ANKRD44: variants seen among roughly 807,000 people sequenced by gnomAD.
ANKRD44 encodes the protein serine/threonine-protein phosphatase 6 regulatory ankyrin repeat subunit B.
Under a neutral mutation model 116.0 loss-of-function variants are expected in ANKRD44, and 35 were observed. The ratio of observed to expected loss-of-function variants is 0.30; its 90% CI spans 0.23 to 0.40. The LOEUF is 0.40. Among genes scored for constraint, ANKRD44 ranks in the 10% least tolerant of loss-of-function variants. The probability of loss-of-function intolerance (pLI) is 1.00; values close to 1 mark genes in which losing one functional copy is unlikely to be tolerated. For missense variants in ANKRD44, 1,014 were observed against 1,242.6 expected (o/e 0.82, Z 2.77); for synonymous variants, 435 against 461.8 (o/e 0.94, Z 0.74).
At chr2:197,305,191 A>C (rs988588817) in intron 1 of ANKRD44, among the ~76,000 whole-genome samples, 1 of 150,022 alleles carries the variant, frequency 6.7e-6, no homozygotes, top group Non-Finnish European at 1.5e-5. Flanking sequence ...TCAGGAAAAA[A>C]AACAAAAACA....
intron 1 of ANKRD44, among the ~76,000 whole-genome samples, chr2:197,205,899 G>A (rs1418871639): frequency 6.6e-6 from 1 of 152,134 alleles, no homozygotes; most frequent in Non-Finnish European, 1.5e-5. Context: ...ATCAGAGGGA[G>A]CCTAAGCCTA....
At chr2:197,037,741 C>G (rs2076834252) in intron 16 of ANKRD44, among the ~76,000 whole-genome samples, 1 of 152,104 alleles carries the variant, frequency 6.6e-6, no homozygotes, top group South Asian at 2.1e-4. Flanking sequence ...AGTTTGAGAC[C>G]AGCCTTGGCA....
chr2:197,234,865 T>A (rs1349616573), intron 1 of ANKRD44, among the ~76,000 whole-genome samples: 1 of 152,120 alleles, frequency 6.6e-6, no homozygotes, highest in Non-Finnish European at 1.5e-5. Context: ...CTCTTAATAT[T>A]CCCTTCCCCA....
intron 16 of ANKRD44, among the ~76,000 whole-genome samples, chr2:197,051,556 C>T (rs1294418427): frequency 1.3e-5 from 2 of 152,184 alleles, no homozygotes; most frequent in African/African-American, 4.8e-5. Flanking sequence ...GTGCACAACA[C>T]ACACCCAGCT....
At chr2:197,158,984 A>AAC (rs5837527) in intron 2 of ANKRD44, among the ~76,000 whole-genome samples, 112,819 of 148,390 alleles carry the variant, frequency 0.76, 45,823 homozygotes, top group East Asian at 0.96. Flanking sequence ...AGAGCAAACA[A>AAC]ACACACACAC....
At chr2:196,996,489 A>AGT (rs2076013722) in intron 25 of ANKRD44, among the ~76,000 whole-genome samples, 1 of 152,182 alleles carries the variant, frequency 6.6e-6, no homozygotes, top group Non-Finnish European at 1.5e-5. Context: ...TTCATACTAT[A>AGT]ATGCCTTGTA....
chr2:197,222,133 C>T (rs1332915379), intron 1 of ANKRD44, among the ~76,000 whole-genome samples: 1 of 152,182 alleles, frequency 6.6e-6, no homozygotes, highest in Non-Finnish European at 1.5e-5. Flanking sequence ...AGACTGGTGT[C>T]CTAAGGCAGA....
At chr2:197,006,692 C>T (rs1026859063) in intron 20 of ANKRD44, among the ~76,000 whole-genome samples, 79 of 152,212 alleles carry the variant, frequency 5.2e-4, no homozygotes, top group Non-Finnish European at 1.0e-4. Context: ...AAAACTATGA[C>T]TGTGACAATG....
chr2:197,061,129 C>A (rs1386617470), intron 16 of ANKRD44, among the ~76,000 whole-genome samples: 1 of 152,148 alleles, frequency 6.6e-6, no homozygotes, highest in Non-Finnish European at 1.5e-5. Context: ...CTATAAACAA[C>A]CTAACCCCCG....
intron 1 of ANKRD44, among the ~76,000 whole-genome samples, chr2:197,223,945 C>A (rs1339138624): frequency 1.3e-5 from 2 of 151,742 alleles, no homozygotes; most frequent in East Asian, 3.9e-4. Flanking sequence ...AAAGACGATT[C>A]CACGAAGGTA....
intron 2 of ANKRD44, among the ~76,000 whole-genome samples, chr2:197,163,750 C>T (rs1453462035): frequency 6.6e-6 from 1 of 152,138 alleles, no homozygotes; most frequent in Non-Finnish European, 1.5e-5. Context: ...ACCTCAGGCT[C>T]CCGAGTAGCT....
At chr2:197,061,666 T>A (rs1028942720) in intron 16 of ANKRD44, among the ~76,000 whole-genome samples, 1 of 152,196 alleles carries the variant, frequency 6.6e-6, no homozygotes, top group Non-Finnish European at 1.5e-5. Flanking sequence ...GTAGTTATTA[T>A]AATCCTGTTA....
chr2:197,068,534 G>A (rs1421333450), intron 16 of ANKRD44, among the ~76,000 whole-genome samples: 1 of 151,784 alleles, frequency 6.6e-6, no homozygotes, highest in Non-Finnish European at 1.5e-5. Context: ...GCAACCTACA[G>A]AATGGGAGAA....
intron 1 of ANKRD44, among the ~76,000 whole-genome samples, chr2:197,302,719 T>A (rs1193883949): frequency 1.3e-5 from 2 of 152,282 alleles, no homozygotes; most frequent in East Asian, 3.9e-4. Context: ...ACAAGTCTCC[T>A]CCACAGAGAC....
chr2:197,039,898 G>T (rs538106073), intron 16 of ANKRD44, among the ~76,000 whole-genome samples: 1 of 152,138 alleles, frequency 6.6e-6, no homozygotes, highest in East Asian at 1.9e-4. Flanking sequence ...AATAGGCAAA[G>T]AGGATAATTT....
intron 1 of ANKRD44, among the ~76,000 whole-genome samples, chr2:197,277,966 A>C (rs1298720092): frequency 6.6e-6 from 1 of 152,188 alleles, no homozygotes; most frequent in Admixed American, 6.5e-5. Context: ...GCAAAATGAG[A>C]GGAGGCTCAG....
intron 16 of ANKRD44, among the ~76,000 whole-genome samples, chr2:197,044,865 C>G (rs966155027): frequency 7.1e-6 from 1 of 140,898 alleles, no homozygotes; most frequent in Non-Finnish European, 1.6e-5. Flanking sequence ...TATGCCTAAG[C>G]AAAAAAAAAA....
intron 2 of ANKRD44, among the ~76,000 whole-genome samples, chr2:197,162,424 T>G (rs1345358187): frequency 6.6e-6 from 1 of 152,206 alleles, no homozygotes; most frequent in African/African-American, 2.4e-5. Context: ...TTCTACCTTC[T>G]TCCCACCAAA....
chr2:197,048,375 T>G (rs937338980), intron 16 of ANKRD44, among the ~76,000 whole-genome samples: 3 of 152,086 alleles, frequency 2.0e-5, no homozygotes, highest in African/African-American at 7.2e-5. Context: ...GTGTGTGATG[T>G]TCCCTGCCCT....
Sources: gnomAD v4.1 joint callset for allele counts (sites outside exome capture counted in the v4.1 genomes callset) on GRCh38, gnomAD v4.1.1 for gene constraint, MANE v1.5 for transcripts, NCBI Gene and HGNC (gene_info 2026-07-23, HGNC 2026-07-21) for gene names.